TMEM40: variants seen among roughly 807,000 people sequenced by gnomAD.
TMEM40 encodes transmembrane protein 40.
A neutral mutation model predicts 40.8 loss-of-function variants in TMEM40; 34 were observed. The observed-to-expected ratio is 0.83, with a 90% CI of 0.63 to 1.11. The LOEUF is 1.11. Among genes scored for constraint, TMEM40 ranks in the 50% least tolerant of loss-of-function variants. TMEM40 has a pLI of 0.00. For synonymous variants in TMEM40, 106 were observed against 107.0 expected (o/e 0.99, Z 0.06); for missense variants, 296 against 280.2 (o/e 1.06, Z -0.40).
At chr3:12,734,823 G>T (rs2061326592) in intron 11 of TMEM40, 30 bp from the exon 12 acceptor site, 8 of 1,592,004 alleles carry the variant, frequency 5.0e-6, no homozygotes, top group Admixed American at 1.7e-5. Context: ...GGATGGCATG[G>T]GATTCTGAAG....
chr3:12,749,720 C>T (rs757706627), intron 2 of TMEM40, 40 bp downstream of exon 2: 8 of 1,592,178 alleles, frequency 5.0e-6, no homozygotes, highest in Non-Finnish European at 3.4e-6. Context: ...CTCCACCTCC[C>T]ATGTGGTTTT....
In TMEM40 at chr3:12,768,361, C is replaced by T. The variant is rs2106625747; in HGVS notation, c.-9+890G>A. 2.1e-5 allele frequency among the ~76,000 whole-genome samples: 3 copies of T among 141,590 alleles called. No individual in the cohort carries two copies. In the South Asian group the frequency reaches 6.5e-4, roughly 31 times the overall value. 92.9% of individuals were successfully genotyped at this position (141,590 alleles called of 152,430 possible). A position where few individuals can be genotyped will look rare whatever the true frequency, so the allele number is the denominator to read the frequency against. On this transcript the variant is annotated intron_variant, in intron 1 of 11. Transcript: ENST00000264728. ...GGTTACCACTGCTGGCTGGGGCAGC[C>T]TGCTTTTATTCTCTTATGTGGCCCC...
At chr3:12,747,460 G>A (rs547308905) in intron 3 of TMEM40, among the ~76,000 whole-genome samples, 89 of 152,288 alleles carry the variant, frequency 5.8e-4, no homozygotes, top group Non-Finnish European at 8.4e-4. Context: ...GTTATTACAT[G>A]CAAGTGCTTA....
In TMEM40 at chr3:12,734,464, T is replaced by C; in HGVS notation, c.*310A>G. The C allele has an allele frequency of 2.5e-6, 1 of 398,466 alleles. No individual in the cohort carries two copies. Among genetic ancestry groups the C allele is most frequent in the Non-Finnish European group, 4.6e-6 (1 of 216,034 alleles). The allele number at this position is 398,466 out of a possible 1,614,324, so 24.7% of individuals were successfully genotyped here. Reference sequence around the variant, plus strand: ...CACAGCTTGCAGAGCTCAGGGTCCCTTGCTGTCCTCTGAGAGCAGTGACCT... The same window carrying C: ...CACAGCTTGCAGAGCTCAGGGTCCCCTGCTGTCCTCTGAGAGCAGTGACCT... On this transcript the variant is annotated 3_prime_UTR_variant, in exon 12 of 12. Coordinates refer to ENST00000314124, the MANE Select transcript of TMEM40 (RefSeq NM_018306.4).
At position 12,749,834 on chromosome 3, in the gene TMEM40, G is replaced by A; in HGVS notation, c.-2C>T. The stretch of plus-strand genomic sequence containing the variant: ...GGAGGAGGATGCTGAAGTCTCCATG[G>A]CTTTTCCTGGAGGAATAACAATAAT... On this transcript the variant is annotated 5_prime_UTR_variant, in exon 2 of 12. Transcript: ENST00000314124. 1 of 1,613,544 alleles carries A rather than the reference G, an allele frequency of 6.2e-7. No homozygotes were observed. The highest frequency in any genetic ancestry group is 8.5e-7 in the Non-Finnish European group (1 of 1,179,792).
At position 12,755,213 on chromosome 3, in the gene TMEM40, T is replaced by TTCTCTCTC. The variant is rs754041538; in HGVS notation, c.-9+3970_-9+3977dup. Among the ~76,000 whole-genome samples, 197 of 94,274 alleles carry TTCTCTCTC rather than the reference T, an allele frequency of 2.1e-3. 4 individuals are homozygous for TTCTCTCTC. Among genetic ancestry groups the TTCTCTCTC allele is most frequent in the East Asian group, 7.4e-3 (27 of 3,660 alleles). The allele number at this position is 94,274 out of a possible 152,430, so 61.8% of individuals were successfully genotyped here. ...TTCCTTCCTTCCTTTCTTTCTTTCT[T>TTCTCTCTC]TCTCTCTCTCTCTCTCTCTCTCTTT... On this transcript the variant is annotated intron_variant, in intron 1 of 11. Transcript: ENST00000314124.
rs1158991839 is a variant in TMEM40 at position 12,738,426 on chromosome 3, G to C, written c.391+127C>G. 6 of 1,145,996 alleles carry C rather than the reference G, an allele frequency of 5.2e-6. No individual in the cohort carries two copies. In the African/African-American group the frequency reaches 9.1e-5, roughly 17 times the overall value. The allele number at this position is 1,145,996 out of a possible 1,614,324, so 71.0% of individuals were successfully genotyped here. A position where few individuals can be genotyped will look rare whatever the true frequency, so the allele number is the denominator to read the frequency against. On this transcript the variant is annotated intron_variant, in intron 6 of 11. Transcript: ENST00000314124. ...CTGCTTGATGAGCCTAGGCTAAGTG[G>C]ACCTGGGGCTCCTGTTTCTCAGAGC... is the stretch of plus-strand genomic sequence containing the variant.
At chr3:12,754,335 A>AACG (rs1345308610) in intron 1 of TMEM40, among the ~76,000 whole-genome samples, 2 of 151,956 alleles carry the variant, frequency 1.3e-5, no homozygotes, top group African/African-American at 4.8e-5. Context: ...CAACAACAAC[A>AACG]AAACAAAATA....
Position 12,755,233 on chromosome 3 carries a change from CTCTTTCTTTCTT to C in TMEM40, c.-9+3946_-9+3957del, listed in dbSNP as rs749104547. 4.7e-3 allele frequency among the ~76,000 whole-genome samples: 282 copies of C among 59,962 alleles called. 6 individuals carry two copies. The highest frequency in any genetic ancestry group is 0.015 in the African/African-American group (208 of 14,066). The allele number at this position is 59,962 out of a possible 152,430, so 39.3% of individuals were successfully genotyped here. A position where few individuals can be genotyped will look rare whatever the true frequency, so the allele number is the denominator to read the frequency against. ...TTTCTTTCTCTCTCTCTCTCTCTCT[CTCTTTCTTTCTT>C]TCTTTCTTTCTTTCTTTCTTTCTTT... On this transcript the variant is annotated intron_variant, in intron 1 of 11. Coordinates refer to ENST00000314124, the MANE Select transcript of TMEM40 (RefSeq NM_018306.4).
chr3:12,766,401 C>T (rs1277730980), intron 1 of TMEM40, among the ~76,000 whole-genome samples: 2 of 152,018 alleles, frequency 1.3e-5, no homozygotes, highest in Non-Finnish European at 2.9e-5. Context: ...CGAGACCATC[C>T]TGGCTAACAC....
intron 1 of TMEM40, among the ~76,000 whole-genome samples, chr3:12,765,790 C>G (rs1167055251): frequency 2.0e-5 from 3 of 151,908 alleles, no homozygotes; most frequent in Non-Finnish European, 4.4e-5. Context: ...AGAATGGTCT[C>G]GATCTCCTGA....
In TMEM40 at chr3:12,742,509, T is replaced by C; in HGVS notation, c.302-2A>G. The C allele has an allele frequency of 6.2e-7, 1 of 1,613,936 alleles. No individual in the cohort carries two copies. Among genetic ancestry groups the C allele is most frequent in the Non-Finnish European group, 8.5e-7 (1 of 1,179,890 alleles). ...CGTCAGGCTCCCCATGCCCAGGACC[T>C]GGATGGAGACAAACCCCTTAGTCAG... is the stretch of plus-strand genomic sequence containing the variant. On this transcript the variant is annotated splice_acceptor_variant, in intron 4 of 11. Coordinates refer to ENST00000314124, the MANE Select transcript of TMEM40 (RefSeq NM_018306.4). LOFTEE classifies it high-confidence loss of function.
chr3:12,737,779 A>G (rs1380121852), intron 7 of TMEM40, 25 bp from the exon 8 acceptor site: 2 of 1,610,588 alleles, frequency 1.2e-6, no homozygotes, highest in Non-Finnish European at 1.7e-6. Context: ...AGAGATGAAT[A>G]TTTAACTTTG....
At chr3:12,767,603 C>T (rs561248707) in intron 1 of TMEM40, among the ~76,000 whole-genome samples, 2 of 152,260 alleles carry the variant, frequency 1.3e-5, no homozygotes, top group African/African-American at 4.8e-5. Context: ...ACAGGCCTGG[C>T]TAGATAGAAA....
At chr3:12,753,312 G>C (rs2061493660) in intron 1 of TMEM40, among the ~76,000 whole-genome samples, 1 of 144,320 alleles carries the variant, frequency 6.9e-6, no homozygotes, top group Admixed American at 7.3e-5. Context: ...AACCTCCTGG[G>C]TTCCAGTGAT....
chr3:12,748,821 A>G, intron 2 of TMEM40, 29 bp from the exon 3 acceptor site: 1 of 1,607,366 alleles, frequency 6.2e-7, no homozygotes, highest in East Asian at 2.2e-5. Flanking sequence ...CCAGGGGATG[A>G]GCGTTTCCCA....
At chr3:12,758,267 G>A (rs2061543768) in intron 1 of TMEM40, among the ~76,000 whole-genome samples, 1 of 152,122 alleles carries the variant, frequency 6.6e-6, no homozygotes, top group Non-Finnish European at 1.5e-5. Context: ...GGCTACACTA[G>A]CTTGAGTTCA....
At chr3:12,741,502 A>T (rs2061381217) in intron 5 of TMEM40, 1 of 152,254 alleles carries the variant, frequency 6.6e-6, no homozygotes, top group African/African-American at 2.4e-5. Flanking sequence ...GAGAGTGCAG[A>T]GAGCATACCA....
intron 5 of TMEM40, among the ~76,000 whole-genome samples, chr3:12,740,730 T>C (rs2061375609): frequency 6.6e-6 from 1 of 151,906 alleles, no homozygotes; most frequent in African/African-American, 2.4e-5. Context: ...TGGTGTCGCA[T>C]ACATGTAGTC....
Sources: gnomAD v4.1 joint callset for allele counts (sites outside exome capture counted in the v4.1 genomes callset) on GRCh38, gnomAD v4.1.1 for gene constraint, MANE v1.5 for transcripts, NCBI Gene and HGNC (gene_info 2026-07-23, HGNC 2026-07-21) for gene names.